ADARB1: variants seen among roughly 807,000 people sequenced by gnomAD.
The protein encoded by ADARB1 is double-stranded RNA-specific editase 1.
ADARB1 carries 10 observed loss-of-function variants against 52.4 expected under a neutral mutation model. That is an observed-to-expected ratio of 0.19 (90% confidence interval 0.12 to 0.32). The LOEUF (loss-of-function observed/expected upper bound fraction) is 0.32. Among genes scored for constraint, ADARB1 ranks in the 10% least tolerant of loss-of-function variants. The probability of loss-of-function intolerance (pLI) is 1.00; values close to 1 mark genes in which losing one functional copy is unlikely to be tolerated. For missense variants in ADARB1, 643 were observed against 922.3 expected, an observed-to-expected ratio of 0.70 and a Z score of 3.92; for synonymous variants, 349 against 371.1, an observed-to-expected ratio of 0.94 and a Z score of 0.68.
chr21:45,077,911 T>G (rs2086007421), intron 1 of ADARB1, among the ~76,000 whole-genome samples: 1 of 152,210 alleles, frequency 6.6e-6, no homozygotes, highest in Admixed American at 6.5e-5. Context: ...TGACAGCTTT[T>G]TATCTGGGGT....
intron 2 of ADARB1, among the ~76,000 whole-genome samples, chr21:45,134,048 G>A (rs1268743111): frequency 8.2e-6 from 1 of 122,274 alleles, no homozygotes; most frequent in African/African-American, 3.2e-5. Context: ...CGATGGGTGT[G>A]TGTGCCCGAC....
rs2093011746 is a variant in ADARB1 at position 45,223,980 on chromosome 21, C to T, written c.*1783C>T. 5.1e-6 allele frequency: 5 copies of T among 985,322 alleles called. No individual in the cohort carries two copies. Among genetic ancestry groups the T allele is most frequent in the Admixed American group, 1.2e-4 (2 of 16,272 alleles). The allele number at this position is 985,322 out of a possible 1,614,324, so 61.0% of individuals were successfully genotyped here. A position where few individuals can be genotyped will look rare whatever the true frequency, so the allele number is the denominator to read the frequency against. Reference sequence around the variant, plus strand: ...GAAGCAGTCACAGCAGGCGTCTCTGCCGCTCCGTCACCACAGTGGGGTTTT... The same window carrying T: ...GAAGCAGTCACAGCAGGCGTCTCTGTCGCTCCGTCACCACAGTGGGGTTTT... On this transcript the variant is annotated 3_prime_UTR_variant, in exon 11 of 11. Transcript: ENST00000348831.
chr21:45,079,399 A>C (rs2086067824), intron 1 of ADARB1, among the ~76,000 whole-genome samples: 1 of 152,250 alleles, frequency 6.6e-6, no homozygotes, highest in Non-Finnish European at 1.5e-5. Flanking sequence ...CTTCACATCT[A>C]GAATCTGATT....
intron 1 of ADARB1, among the ~76,000 whole-genome samples, chr21:45,085,775 C>T (rs937632849): frequency 6.6e-6 from 1 of 152,138 alleles, no homozygotes; most frequent in Admixed American, 6.5e-5. Flanking sequence ...AATTTTATCC[C>T]TCTAATGAAA....
chr21:45,164,662 C>T (rs1452829835), intron 2 of ADARB1, among the ~76,000 whole-genome samples: 1 of 152,058 alleles, frequency 6.6e-6, no homozygotes, highest in Non-Finnish European at 1.5e-5. Context: ...GTTGGAGAGG[C>T]TCTGGTGGGC....
chr21:45,191,626 T>C (rs1345687903), intron 8 of ADARB1, among the ~76,000 whole-genome samples: 2 of 152,044 alleles, frequency 1.3e-5, no homozygotes, highest in Admixed American at 6.6e-5. Context: ...TCACTCATTG[T>C]TTTAACATAC....
chr21:45,182,592 T>C lies in ADARB1; in HGVS notation c.1086T>C (p.Asp362=), dbSNP rs199843457. The change falls in exon 6 of 11, where the codon GAT becomes GAC. Residue 362 remains aspartate (D), a synonymous_variant. Transcript: ENST00000348831. The stretch of plus-strand genomic sequence containing the variant: ...TCTTTTTTTTTTTTTCAGGCACAGA[T>C]GTTAAAGATGCCAAGGTGATAAGTG... ...LAGVVMTTGT[D]VKDAKVISVS... The C allele has an allele frequency of 6.4e-5, 101 of 1,588,692 alleles. No individual in the cohort carries two copies. The highest frequency in any genetic ancestry group is 7.8e-5 in the Non-Finnish European group (92 of 1,173,060).
rs2092528963 is a variant in ADARB1, at chr21:45,200,504, A to G, written c.1566-4051A>G. Among the ~76,000 whole-genome samples the G allele has an allele frequency of 6.6e-6, 1 of 152,198 alleles. No individual in the cohort carries two copies. The highest frequency in any genetic ancestry group is 2.4e-5 in the African/African-American group (1 of 41,452). On this transcript the variant is annotated intron_variant, in intron 8 of 10. Coordinates refer to ENST00000348831, the MANE Select transcript of ADARB1 (RefSeq NM_001112.4). The surrounding 1 kb of genome is among the most constrained non-coding windows in gnomAD (Gnocchi z 5.0). ...AGGAGGACCAGCAGCCTGTCTATTCAGAGTCGGCTATGGCAAGGGGGCCAG... is the reference window on the plus strand; with the variant it reads ...AGGAGGACCAGCAGCCTGTCTATTCGGAGTCGGCTATGGCAAGGGGGCCAG...
intron 8 of ADARB1, among the ~76,000 whole-genome samples, chr21:45,198,733 C>A (rs1040013017): frequency 1.3e-5 from 2 of 152,072 alleles, no homozygotes; most frequent in Non-Finnish European, 2.9e-5. Context: ...GTTACTACAA[C>A]CTTTATCTCC....
chr21:45,102,431 A>T (rs1361365648), intron 1 of ADARB1, among the ~76,000 whole-genome samples: 5 of 152,236 alleles, frequency 3.3e-5, no homozygotes, highest in African/African-American at 1.2e-4. Context: ...TTAAACATGT[A>T]GCTGCATGTT....
At chr21:45,098,571 G>A (rs1397635879) in intron 1 of ADARB1, among the ~76,000 whole-genome samples, 4 of 152,186 alleles carry the variant, frequency 2.6e-5, no homozygotes, top group African/African-American at 9.6e-5. Context: ...TGTTGAGTTT[G>A]AATCATCCCC....
intron 1 of ADARB1, among the ~76,000 whole-genome samples, chr21:45,075,339 C>T (rs1332906300): frequency 6.8e-6 from 1 of 147,352 alleles, no homozygotes; most frequent in Non-Finnish European, 1.5e-5. Flanking sequence ...CGCCGGGGGA[C>T]GGCAGGCTGC....
At chr21:45,213,945 G>A (rs2092815729) in intron 9 of ADARB1, among the ~76,000 whole-genome samples, 1 of 152,144 alleles carries the variant, frequency 6.6e-6, no homozygotes, top group Admixed American at 6.5e-5. Flanking sequence ...GGTGTATGTT[G>A]AACTTTTTAG....
At chr21:45,198,853 AT>A (rs1023692967) in intron 8 of ADARB1, among the ~76,000 whole-genome samples, 36 of 152,202 alleles carry the variant, frequency 2.4e-4, no homozygotes, top group African/African-American at 6.3e-4. Flanking sequence ...TCTATTTTAT[AT>A]TTTTTAAAGC....
chr21:45,202,330 A>C (rs2092572953), intron 8 of ADARB1, among the ~76,000 whole-genome samples: 1 of 152,182 alleles, frequency 6.6e-6, no homozygotes, highest in South Asian at 2.1e-4. Context: ...GGGTGACCCC[A>C]GAGTGGGGAC....
rs79017474 is a variant in ADARB1 at position 45,210,462 on chromosome 21, C to G, written c.1747+5726C>G. On this transcript the variant is annotated intron_variant, in intron 9 of 10. Transcript: ENST00000348831. ...TAATGCTACAGTACAGTTACCATTACCTATTGTATCAATGACACTTTTGAA... is the reference window on the plus strand; with the variant it reads ...TAATGCTACAGTACAGTTACCATTAGCTATTGTATCAATGACACTTTTGAA... Among the ~76,000 whole-genome samples, 43 of 152,312 alleles carry G rather than the reference C, an allele frequency of 2.8e-4. No individual in the cohort carries two copies. In the East Asian group the frequency reaches 8.1e-3, roughly 29 times the overall value.
At chr21:45,196,590 C>G (rs1471601304) in intron 8 of ADARB1, among the ~76,000 whole-genome samples, 1 of 152,144 alleles carries the variant, frequency 6.6e-6, no homozygotes, top group African/African-American at 2.4e-5. Flanking sequence ...AATCATATAT[C>G]TAATAAACGA....
At chr21:45,203,184 C>T (rs1003395605) in intron 8 of ADARB1, among the ~76,000 whole-genome samples, 5 of 152,106 alleles carry the variant, frequency 3.3e-5, no homozygotes, top group African/African-American at 1.2e-4. Flanking sequence ...CTCCTGGCTG[C>T]TTAGGGGCCC....
chr21:45,097,026 A>G (rs1485023786), intron 1 of ADARB1, among the ~76,000 whole-genome samples: 1 of 152,246 alleles, frequency 6.6e-6, no homozygotes, highest in Admixed American at 6.5e-5. Context: ...GGTGTGAGCC[A>G]CTGCGCCCAG....
Sources: gnomAD v4.1 joint callset for allele counts (sites outside exome capture counted in the v4.1 genomes callset) on GRCh38, gnomAD v4.1.1 for gene constraint, Gnocchi (gnomAD v3.1) non-coding constraint, MANE v1.5 for transcripts, NCBI Gene and HGNC (gene_info 2026-07-23, HGNC 2026-07-21) for gene names.